NUBPL: variants seen among roughly 807,000 people sequenced by gnomAD.
NUBPL encodes the protein NUBP iron-sulfur cluster assembly factor, mitochondrial.
In NUBPL, 31 loss-of-function variants were observed where a neutral mutation model predicts 45.7. The observed-to-expected ratio is 0.68, with a 90% CI of 0.51 to 0.92. The LOEUF (loss-of-function observed/expected upper bound fraction) is 0.92, where lower values mean the gene tolerates loss of function less well. Ranked by LOEUF, NUBPL falls within the 40% of genes least tolerant of loss-of-function variation. NUBPL has a pLI of 0.00. For synonymous variants in NUBPL, 144 were observed against 140.9 expected (o/e 1.02, Z -0.15); for missense variants, 401 against 398.7 (o/e 1.01, Z -0.05).
At position 31,826,714 on chromosome 14, in the gene NUBPL, C is replaced by G; in HGVS notation, c.693C>G (p.Pro231=). The change falls in exon 8 of 11, where the codon CCC becomes CCG. Residue 231 remains proline, a splice_region_variant and synonymous_variant. Transcript: ENST00000281081. ...GAEMFRRVHV[P]VLGLVQNMSV... ...AGATGTTTCGCAGAGTCCACGTGCCCGTAAGCGTTTACAGCTTCACTGTGA... is the reference window on the plus strand; with the variant it reads ...AGATGTTTCGCAGAGTCCACGTGCCGGTAAGCGTTTACAGCTTCACTGTGA... The G allele has an allele frequency of 6.2e-7, 1 of 1,613,384 alleles. No homozygotes were observed. The highest frequency in any genetic ancestry group is 8.5e-7 in the Non-Finnish European group (1 of 1,179,366).
rs924076371 is a variant in NUBPL, at chr14:31,839,759, C to G, written c.694-6712C>G. Among the ~76,000 whole-genome samples, 3 of 152,018 alleles carry G rather than the reference C, an allele frequency of 2.0e-5. No individual in the cohort carries two copies. In the East Asian group the frequency reaches 5.8e-4, roughly 29 times the overall value. On this transcript the variant is annotated intron_variant, in intron 8 of 10. Transcript: ENST00000281081. ...ACCCAATAGCAAGAAAACAAACAAC[C>G]TGATTTTTTTAAATGGGTGAAGGAT...
At chr14:31,636,846 C>T (rs1186761729) in intron 4 of NUBPL, among the ~76,000 whole-genome samples, 2 of 152,264 alleles carry the variant, frequency 1.3e-5, no homozygotes, top group Non-Finnish European at 2.9e-5. Context: ...GGAATTTATC[C>T]ATTTCTTCTA....
rs190087331 is a variant in NUBPL, at chr14:31,745,901, A to G, written c.514-41879A>G. On this transcript the variant is annotated intron_variant, in intron 6 of 10. Transcript: ENST00000281081. ...GCAGTTTAAGTGTTTTTACAAGGCC[A>G]CAGGTGTCTCACGACCCAGCCTCAA... Among the ~76,000 whole-genome samples, 775 of 152,092 alleles carry G rather than the reference A, an allele frequency of 5.1e-3. 2 individuals carry two copies. Among genetic ancestry groups the G allele is most frequent in the Non-Finnish European group, 7.3e-3 (500 of 68,028 alleles).
intron 7 of NUBPL, among the ~76,000 whole-genome samples, chr14:31,814,192 T>C (rs935195376): frequency 6.6e-6 from 1 of 152,150 alleles, no homozygotes; most frequent in African/African-American, 2.4e-5. Flanking sequence ...CTCTCCAGCA[T>C]CTGTTGTTTC....
chr14:31,753,050 T>C (rs1358366974), intron 6 of NUBPL, among the ~76,000 whole-genome samples: 2 of 152,198 alleles, frequency 1.3e-5, no homozygotes, highest in Non-Finnish European at 2.9e-5. Flanking sequence ...GGGTGGGGAT[T>C]ACATTTCTAG....
chr14:31,860,272 C>T lies in NUBPL; in HGVS notation c.*1092C>T, dbSNP rs1362205886. 1 of 131,170 alleles carries T rather than the reference C, an allele frequency of 7.6e-6. No homozygotes were observed. The highest frequency in any genetic ancestry group is 2.3e-4 in the East Asian group (1 of 4,310). 8.1% of individuals were successfully genotyped at this position (131,170 alleles called of 1,614,324 possible). ...GAGTGGAGATTGTACCACTGCACTC[C>T]AGCCTGGTCAATGGAGTGCGACTCC... On this transcript the variant is annotated 3_prime_UTR_variant, in exon 11 of 11. Coordinates refer to ENST00000281081, the MANE Select transcript of NUBPL (RefSeq NM_025152.3).
intron 4 of NUBPL, among the ~76,000 whole-genome samples, chr14:31,652,237 T>TA (rs71115023): frequency 0.43 from 66,074 of 151,946 alleles, 17,235 homozygotes; most frequent in East Asian, 0.6. Flanking sequence ...GTGCGGAATC[T>TA]AAAAAAAGTG....
At chr14:31,734,387 G>T (rs919820833) in intron 6 of NUBPL, among the ~76,000 whole-genome samples, 1 of 152,124 alleles carries the variant, frequency 6.6e-6, no homozygotes, top group Non-Finnish European at 1.5e-5. Flanking sequence ...TTTCACCTTA[G>T]TATCTCCAAT....
At chr14:31,843,028 A>G (rs557086902) in intron 8 of NUBPL, among the ~76,000 whole-genome samples, 24 of 152,294 alleles carry the variant, frequency 1.6e-4, no homozygotes, top group African/African-American at 5.1e-4. Context: ...TTAAAACAGC[A>G]CAGGTTTATT....
chr14:31,769,570 TATG>T (rs910475572), intron 6 of NUBPL, among the ~76,000 whole-genome samples: 6 of 152,012 alleles, frequency 3.9e-5, no homozygotes, highest in East Asian at 1.9e-4. Context: ...CCAAAGGAAA[TATG>T]ATCATTCCAT....
rs192913588 is a variant in NUBPL, at chr14:31,760,004, C to A, written c.514-27776C>A. ...TTAGTATGGGTTTTTTGGGACATAA[C>A]CCCACTGCAAGTTAAGAAGCATCTC... On this transcript the variant is annotated intron_variant, in intron 6 of 10. Coordinates refer to ENST00000281081, the MANE Select transcript of NUBPL (RefSeq NM_025152.3). Among the ~76,000 whole-genome samples, 326 of 151,256 alleles carry A rather than the reference C, an allele frequency of 2.2e-3. 3 individuals carry two copies. Among genetic ancestry groups the A allele is most frequent in the African/African-American group, 7.5e-3 (309 of 41,166 alleles).
At chr14:31,835,699 C>G (rs529323349) in intron 8 of NUBPL, among the ~76,000 whole-genome samples, 1 of 152,252 alleles carries the variant, frequency 6.6e-6, no homozygotes, top group East Asian at 1.9e-4. Context: ...ACAGGCCCCC[C>G]CATTCATTGT....
At chr14:31,629,720 A>G (rs2035293831) in intron 4 of NUBPL, among the ~76,000 whole-genome samples, 1 of 152,328 alleles carries the variant, frequency 6.6e-6, no homozygotes, top group South Asian at 2.1e-4. Context: ...ATAGAATTAA[A>G]TTAGACCTTT....
intron 6 of NUBPL, among the ~76,000 whole-genome samples, chr14:31,773,119 G>T (rs1046313134): frequency 6.6e-6 from 1 of 152,112 alleles, no homozygotes; most frequent in East Asian, 1.9e-4. Context: ...TTATTATTCA[G>T]ATTTTTATTG....
intron 7 of NUBPL, among the ~76,000 whole-genome samples, chr14:31,821,301 T>A (rs1204700805): frequency 6.6e-6 from 1 of 152,126 alleles, no homozygotes; most frequent in African/African-American, 2.4e-5. Flanking sequence ...GACAAAGGAT[T>A]TATAACCAGA....
At chr14:31,561,708 G>C (rs562727478) in intron 1 of NUBPL, 161 bp downstream of exon 1, 2 of 557,478 alleles carry the variant, frequency 3.6e-6, no homozygotes, top group Admixed American at 7.3e-5. Flanking sequence ...GCTGAGGCGT[G>C]GCGGGACTTG....
chr14:31,860,302 C>CAAAAA lies in NUBPL; in HGVS notation c.*1143_*1147dup, dbSNP rs34847511. ...TGGTCAATGGAGTGCGACTCCATCT[C>CAAAAA]AAAAAAAAAAAAAAAAAAAAAAAAA... On this transcript the variant is annotated 3_prime_UTR_variant, in exon 11 of 11. Coordinates refer to ENST00000281081, the MANE Select transcript of NUBPL (RefSeq NM_025152.3). The CAAAAA allele has an allele frequency of 6.6e-5, 5 of 75,500 alleles. No individual in the cohort carries two copies. Among genetic ancestry groups the CAAAAA allele is most frequent in the African/African-American group, 5.1e-5 (1 of 19,516 alleles). The allele number at this position is 75,500 out of a possible 1,614,324, so 4.7% of individuals were successfully genotyped here.
intron 7 of NUBPL, among the ~76,000 whole-genome samples, chr14:31,807,496 A>T (rs2039712801): frequency 6.6e-6 from 1 of 152,020 alleles, no homozygotes; most frequent in African/African-American, 2.4e-5. Context: ...AAATTGGCTT[A>T]CGTTCTTTGT....
At chr14:31,628,704 C>A (rs2035269912) in intron 4 of NUBPL, among the ~76,000 whole-genome samples, 1 of 152,118 alleles carries the variant, frequency 6.6e-6, no homozygotes, top group Non-Finnish European at 1.5e-5. Context: ...GCTTGCAACT[C>A]AAACAATTGC....
Sources: allele counts gnomAD v4.1 joint callset (sites outside exome capture counted in the v4.1 genomes callset), GRCh38; gene constraint gnomAD v4.1.1; transcripts MANE v1.5; gene names NCBI Gene and HGNC (gene_info 2026-07-23, HGNC 2026-07-21).